Variants in TMEM165 observed in about 807,000 individuals in gnomAD.
TMEM165 encodes putative divalent cation/proton antiporter TMEM165.
TMEM165 carries 19 observed loss-of-function variants against 30.0 expected under a neutral mutation model. That is an observed-to-expected ratio of 0.63 (90% CI 0.44 to 0.93). The LOEUF is 0.93. TMEM165 is among the 40% of genes least tolerant of loss of function. TMEM165 has a pLI of 0.00. For missense variants in TMEM165, 340 were observed against 417.0 expected, an observed-to-expected ratio of 0.82 and a Z score of 1.61; for synonymous variants, 168 against 162.9, an observed-to-expected ratio of 1.03 and a Z score of -0.24.
chr4:55,404,899 A>G (rs1395010879), intron 1 of TMEM165, among the ~76,000 whole-genome samples: 1 of 152,172 alleles, frequency 6.6e-6, no homozygotes, highest in Non-Finnish European at 1.5e-5. Context: ...CTGTATTAAA[A>G]CTTAAAACAG....
chr4:55,408,424 G>GTA (rs1275012511), intron 1 of TMEM165, among the ~76,000 whole-genome samples: 3 of 152,076 alleles, frequency 2.0e-5, no homozygotes, highest in Non-Finnish European at 4.4e-5. Flanking sequence ...AGGCTAAATG[G>GTA]TATAGCCTAT....
At position 55,417,775 on chromosome 4, in the gene TMEM165, A is replaced by G. The variant is rs367858197; in HGVS notation, c.610-28A>G. The G allele has an allele frequency of 5.8e-5, 90 of 1,539,998 alleles. 1 individual carries two copies. The East Asian group carries it at 1.4e-3, about 24-fold the overall frequency. On this transcript the variant is annotated intron_variant, in intron 3 of 5. Transcript: ENST00000381334. Reference sequence around the variant, plus strand: ...CTATTTTGATTTGCTTCCTGTGCTTACTTTCATTTGTTTATTATTTATTTT... The same window carrying G: ...CTATTTTGATTTGCTTCCTGTGCTTGCTTTCATTTGTTTATTATTTATTTT...
At chr4:55,409,763 G>A (rs907928157) in intron 1 of TMEM165, among the ~76,000 whole-genome samples, 2 of 152,136 alleles carry the variant, frequency 1.3e-5, no homozygotes, top group East Asian at 1.9e-4. Flanking sequence ...GAACTCAGAC[G>A]TTGAGAAGAG....
At chr4:55,423,057 C>G (rs1722050073) in intron 4 of TMEM165, 1 of 152,272 alleles carries the variant, frequency 6.6e-6, no homozygotes, top group Non-Finnish European at 1.5e-5. Context: ...ATCCTCTCAC[C>G]TCAGCCTCCT....
intron 2 of TMEM165, chr4:55,415,856 TTTC>T (rs1325361986): frequency 3.3e-5 from 5 of 152,116 alleles, no homozygotes; most frequent in African/African-American, 1.2e-4. Context: ...TTTTTCTTTC[TTTC>T]TTTTTTTTTT....
chr4:55,438,157 G>T, intron 3 of TMEM165: 4 of 1,247,142 alleles, frequency 3.2e-6, no homozygotes, highest in Non-Finnish European at 4.5e-6. Flanking sequence ...TCTTTGTAGA[G>T]ATTTAAACTG....
intron 3 of TMEM165, among the ~76,000 whole-genome samples, chr4:55,446,242 T>A (rs1246637346): frequency 6.6e-6 from 1 of 151,858 alleles, no homozygotes; most frequent in Admixed American, 6.6e-5. Flanking sequence ...TACAGGCATA[T>A]GCCACCATGC....
chr4:55,449,121 G>C (rs1031386260), intron 3 of TMEM165, among the ~76,000 whole-genome samples: 2 of 151,628 alleles, frequency 1.3e-5, no homozygotes, highest in African/African-American at 4.9e-5. Context: ...AAGACAATTG[G>C]TATTTGAACT....
chr4:55,435,620 A>G (rs372207032), intron 3 of TMEM165: 11 of 1,611,848 alleles, frequency 6.8e-6, no homozygotes, highest in Non-Finnish European at 9.3e-6. Flanking sequence ...ATTATGCAGC[A>G]TTGCTTTACT....
At chr4:55,446,448 G>C (rs1239240896) in intron 3 of TMEM165, among the ~76,000 whole-genome samples, 1 of 152,046 alleles carries the variant, frequency 6.6e-6, no homozygotes. Context: ...GTCATCCCTA[G>C]AATGCCCTCT....
intron 2 of TMEM165, among the ~76,000 whole-genome samples, chr4:55,413,340 ACT>A (rs1018763731): frequency 1.9e-4 from 28 of 151,008 alleles, no homozygotes; most frequent in African/African-American, 6.6e-4. Flanking sequence ...TTTGAGACAG[ACT>A]CTTGCTCTGT....
intron 1 of TMEM165, among the ~76,000 whole-genome samples, chr4:55,408,224 AC>A (rs1721351500): frequency 6.6e-6 from 1 of 152,212 alleles, no homozygotes; most frequent in Non-Finnish European, 1.5e-5. Context: ...GCCACCCAGG[AC>A]CAGCTTAGTA....
At chr4:55,445,823 T>C (rs1228076478) in intron 3 of TMEM165, among the ~76,000 whole-genome samples, 4 of 151,868 alleles carry the variant, frequency 2.6e-5, no homozygotes, top group East Asian at 1.9e-4. Context: ...CTTGAACTCA[T>C]TGGCTCAAGA....
At chr4:55,447,591 A>G (rs1021616875) in intron 3 of TMEM165, among the ~76,000 whole-genome samples, 8 of 152,310 alleles carry the variant, frequency 5.3e-5, no homozygotes, top group African/African-American at 1.9e-4. Context: ...AAAATGTGAG[A>G]CATGAATGCT....
At chr4:55,416,109 T>A (rs377405420) in intron 2 of TMEM165, 1 of 152,172 alleles carries the variant, frequency 6.6e-6, no homozygotes, top group East Asian at 1.9e-4. Context: ...CCCGACTCGG[T>A]CTCCCAAAGT....
chr4:55,407,418 A>G (rs1449907821), intron 1 of TMEM165, among the ~76,000 whole-genome samples: 2 of 152,230 alleles, frequency 1.3e-5, no homozygotes, highest in East Asian at 3.8e-4. Flanking sequence ...AAGATTTAAT[A>G]TGAAAAAAAG....
At chr4:55,403,315 G>A (rs575259347) in intron 1 of TMEM165, 1 of 1,283,224 alleles carries the variant, frequency 7.8e-7, no homozygotes, top group African/African-American at 1.5e-5. Flanking sequence ...GTTTCATCAT[G>A]TATAGATGGA....
intron 3 of TMEM165, among the ~76,000 whole-genome samples, chr4:55,445,925 C>T (rs1482835628): frequency 6.6e-6 from 1 of 151,754 alleles, no homozygotes; most frequent in Non-Finnish European, 1.5e-5. Context: ...GTTCTCTTTA[C>T]TTCTTTTAGG....
rs200941992 is a variant in TMEM165, at chr4:55,417,996, T to A, written c.792+11T>A. ...TTGGCAGCTAGAGAGGTGAGTGATA[T>A]TTGAGAGGAGACTGTTTAAAATGAA... On this transcript the variant is annotated intron_variant, in intron 4 of 5. Coordinates refer to ENST00000381334, the MANE Select transcript of TMEM165 (RefSeq NM_018475.5). 8.2e-6 allele frequency: 13 copies of A among 1,595,040 alleles called. No individual in the cohort carries two copies.
Sources: gnomAD v4.1 joint callset for allele counts (sites outside exome capture counted in the v4.1 genomes callset) on GRCh38, gnomAD v4.1.1 for gene constraint, MANE v1.5 for transcripts, NCBI Gene and HGNC (gene_info 2026-07-23, HGNC 2026-07-21) for gene names.